SGCD: variants seen among roughly 807,000 people sequenced by gnomAD.
SGCD encodes delta-sarcoglycan.
A neutral mutation model predicts 36.6 loss-of-function variants in SGCD; 18 were observed. The observed-to-expected ratio is 0.49, with a 90% CI of 0.34 to 0.73. The LOEUF is 0.73. Among genes scored for constraint, SGCD ranks in the 30% least tolerant of loss-of-function variants. The pLI, the probability that SGCD is intolerant of heterozygous loss-of-function variation, is 0.01. For missense variants in SGCD, 387 were observed against 346.7 expected (o/e 1.12, Z -0.92); for synonymous variants, 133 against 130.6 (o/e 1.02, Z -0.12).
chr5:156,338,076 G>C (rs1462823273), intron 2 of SGCD, among the ~76,000 whole-genome samples: 1 of 152,174 alleles, frequency 6.6e-6, no homozygotes, highest in Non-Finnish European at 1.5e-5. Flanking sequence ...TGGTAGAGTT[G>C]ATCATGGCCC....
At position 156,481,597 on chromosome 5, in the gene SGCD, T is replaced by TG. The variant is rs528572311; in HGVS notation, c.193-27003dup. 7.2e-4 allele frequency among the ~76,000 whole-genome samples: 110 copies of TG among 152,298 alleles called. 1 individual carries two copies. Among genetic ancestry groups the TG allele is most frequent in the Middle Eastern group, 6.8e-3 (2 of 294 alleles). On this transcript the variant is annotated intron_variant, in intron 3 of 8. Coordinates refer to ENST00000337851, the MANE Select transcript of SGCD (RefSeq NM_000337.6). ...GTTATTATATGTCTCTTGATCTACA[T>TG]GACCCTGGGGTTTTCTTATCTGCAT...
rs1732178754 is a variant in SGCD at position 156,764,498 on chromosome 5, G to A, written c.*5108G>A. On this transcript the variant is annotated 3_prime_UTR_variant, in exon 9 of 9. Coordinates refer to ENST00000337851, the MANE Select transcript of SGCD (RefSeq NM_000337.6). Reference sequence around the variant, plus strand: ...GTTCTTAAAAGCTTTCTTCATAAGGGAGTCCCTGAAATTTCTCAAGGCAGG... The same window carrying A: ...GTTCTTAAAAGCTTTCTTCATAAGGAAGTCCCTGAAATTTCTCAAGGCAGG... 6.6e-6 allele frequency: 1 copy of A among 152,616 alleles called. No homozygotes were observed. The allele number at this position is 152,616 out of a possible 1,614,324, so 9.5% of individuals were successfully genotyped here.
intron 1 of SGCD, among the ~76,000 whole-genome samples, chr5:156,103,071 T>C (rs1761558869): frequency 1.3e-5 from 2 of 152,206 alleles, no homozygotes; most frequent in South Asian, 4.1e-4. Flanking sequence ...TTTATGCAAT[T>C]CTTAACAGTA....
intron 1 of SGCD, among the ~76,000 whole-genome samples, chr5:156,073,266 A>T (rs985033974): frequency 1.3e-5 from 2 of 152,082 alleles, no homozygotes; most frequent in Non-Finnish European, 2.9e-5. Context: ...CCTCTATTAT[A>T]TCATACTCTC....
At chr5:156,087,792 T>C (rs1267218364) in intron 1 of SGCD, among the ~76,000 whole-genome samples, 7 of 152,148 alleles carry the variant, frequency 4.6e-5, no homozygotes, top group South Asian at 4.1e-4. Context: ...GATGACATCA[T>C]CCAGACCCAG....
intron 1 of SGCD, chr5:156,117,865 TG>T: frequency 6.6e-6 from 1 of 152,326 alleles, no homozygotes; most frequent in African/African-American, 2.4e-5. Flanking sequence ...CATCCTTTTT[TG>T]TGTGTTCACA....
At chr5:156,632,296 G>T (rs184844040) in intron 6 of SGCD, among the ~76,000 whole-genome samples, 53 of 152,180 alleles carry the variant, frequency 3.5e-4, no homozygotes, top group South Asian at 1.2e-3. Flanking sequence ...TCCTGGGGGT[G>T]GGGGAGGGCC....
chr5:156,621,131 T>C (rs1762229918), intron 6 of SGCD, among the ~76,000 whole-genome samples: 1 of 152,210 alleles, frequency 6.6e-6, no homozygotes, highest in African/African-American at 2.4e-5. Context: ...GCTGCTGTGT[T>C]GACCAAAGGG....
chr5:156,070,612 T>C (rs375750371), intron 1 of SGCD, among the ~76,000 whole-genome samples: 5 of 151,994 alleles, frequency 3.3e-5, no homozygotes, highest in East Asian at 1.9e-4. Context: ...TGTGTCTCTG[T>C]CAGGCTTTGG....
intron 6 of SGCD, among the ~76,000 whole-genome samples, chr5:156,634,582 G>A (rs2113542800): frequency 6.6e-6 from 1 of 152,240 alleles, no homozygotes; most frequent in South Asian, 2.1e-4. Context: ...CAAAACCATA[G>A]GAGAATGGTG....
chr5:155,907,888 C>A (rs1265576703), intron 1 of SGCD, among the ~76,000 whole-genome samples: 1 of 152,092 alleles, frequency 6.6e-6, no homozygotes, highest in Non-Finnish European at 1.5e-5. Flanking sequence ...TAAAATGCTA[C>A]CAAACAGCAT....
At chr5:156,182,593 T>G (rs1424728226) in intron 3 of SGCD, among the ~76,000 whole-genome samples, 2 of 152,126 alleles carry the variant, frequency 1.3e-5, no homozygotes, top group Non-Finnish European at 1.5e-5. Flanking sequence ...TGAGGCTCTG[T>G]GTCAAAAAAA....
the SGCD span, among the ~76,000 whole-genome samples, chr5:155,803,313 A>G: frequency 6.6e-6 from 1 of 152,338 alleles, no homozygotes; most frequent in Middle Eastern, 3.4e-3. Context: ...CAAAACCGAG[A>G]TGCCGGAGTC....
the SGCD span, among the ~76,000 whole-genome samples, chr5:155,841,104 A>G: frequency 6.6e-6 from 1 of 150,822 alleles, no homozygotes; most frequent in Admixed American, 6.6e-5. Context: ...TTCTCAGTTA[A>G]CAGATGTACA....
the SGCD span, among the ~76,000 whole-genome samples, chr5:155,862,904 G>GT: frequency 6.6e-6 from 1 of 152,206 alleles, no homozygotes; most frequent in East Asian, 1.9e-4. Context: ...AGCCCTGAAG[G>GT]TTTTGTTTGG....
intron 1 of SGCD, among the ~76,000 whole-genome samples, chr5:155,900,179 A>G (rs1016825907): frequency 3.3e-5 from 5 of 152,146 alleles, no homozygotes; most frequent in Admixed American, 6.6e-5. Flanking sequence ...TTTGGTGTTT[A>G]GATTCTAAAA....
intron 1 of SGCD, among the ~76,000 whole-genome samples, chr5:155,983,180 A>G (rs1758262797): frequency 6.6e-6 from 1 of 152,234 alleles, no homozygotes; most frequent in Non-Finnish European, 1.5e-5. Flanking sequence ...TCTGTATAAC[A>G]GGCACTGTAG....
intron 3 of SGCD, among the ~76,000 whole-genome samples, chr5:156,282,961 A>G (rs1766490866): frequency 6.6e-6 from 1 of 152,218 alleles, no homozygotes; most frequent in Admixed American, 6.5e-5. Context: ...CAAGAATTTC[A>G]TGGCTGAAAT....
intron 3 of SGCD, among the ~76,000 whole-genome samples, chr5:156,183,921 C>A (rs1202872323): frequency 1.3e-5 from 2 of 152,114 alleles, no homozygotes; most frequent in African/African-American, 4.8e-5. Flanking sequence ...ATTGGAAACA[C>A]AACAGCAAAT....
Sources: allele counts gnomAD v4.1 joint callset (sites outside exome capture counted in the v4.1 genomes callset), GRCh38; gene constraint gnomAD v4.1.1; transcripts MANE v1.5; gene names NCBI Gene and HGNC (gene_info 2026-07-23, HGNC 2026-07-21).